The following MED13L variants were observed in gnomAD, a reference collection of about 807,000 sequenced individuals.
The protein encoded by MED13L is mediator of RNA polymerase II transcription subunit 13-like.
Under a neutral mutation model 220.9 loss-of-function variants are expected in MED13L, and 7 were observed. That is an observed-to-expected ratio of 0.03 (90% CI 0.02 to 0.06). The LOEUF is 0.06. Ranked by LOEUF, MED13L falls within the 10% of genes least tolerant of loss-of-function variation. The pLI is 1.00. For missense variants in MED13L, 1,965 were observed against 2,760.5 expected, an observed-to-expected ratio of 0.71 and a Z score of 6.46; for synonymous variants, 1,011 against 1,015.2, an observed-to-expected ratio of 1.00 and a Z score of 0.08.
At chr12:116,127,479 T>C (rs1260767561) in intron 2 of MED13L, among the ~76,000 whole-genome samples, 21 of 152,190 alleles carry the variant, frequency 1.4e-4, no homozygotes, top group Non-Finnish European at 2.9e-5. Flanking sequence ...ATTTTAAATA[T>C]AAGTACCCCT....
In MED13L at chr12:115,996,460, C is replaced by T. The variant is rs774085390; in HGVS notation, c.2996+16G>A. On this transcript the variant is annotated intron_variant, in intron 16 of 30. Coordinates refer to ENST00000281928, the MANE Select transcript of MED13L (RefSeq NM_015335.5). ...CATCAAATATGGCAAGTAAATGACA[C>T]AATCCCTATACATACTTGTAGCCAT... 1 of 1,604,374 alleles carries T rather than the reference C, an allele frequency of 6.2e-7. No individual in the cohort carries two copies. The highest frequency in any genetic ancestry group is 8.5e-7 in the Non-Finnish European group (1 of 1,171,236).
Position 116,008,516 on chromosome 12 carries a change from A to C in MED13L, c.1897T>G (p.Trp633Gly), listed in dbSNP as rs1879194923. The change falls in exon 10 of 31, where the codon TGG (tryptophan) becomes GGG (glycine). Residue 633 changes from tryptophan to glycine, a missense_variant. Trp to Gly is a radical substitution (Grantham distance 184). Transcript: ENST00000281928. ...PSNPESSEKW[W>G]HSYRLPPSDD... ...CTGGGTGGGAGACGATAACTATGCC[A>C]CCACTTTTCTGATGACTCCGGGTTC... 2 of 1,613,772 alleles carry C rather than the reference A, an allele frequency of 1.2e-6. No homozygotes were observed. The highest frequency in any genetic ancestry group is 3.3e-5 in the Admixed American group (2 of 59,990).
chr12:116,148,739 T>G (rs1306155111), intron 2 of MED13L: 1 of 164,210 alleles, frequency 6.1e-6, no homozygotes, highest in East Asian at 1.9e-4. Flanking sequence ...TTAGGTTACC[T>G]CCTAAGAAAG....
At chr12:116,178,178 T>C (rs373933803) in intron 2 of MED13L, among the ~76,000 whole-genome samples, 6 of 152,120 alleles carry the variant, frequency 3.9e-5, no homozygotes, top group African/African-American at 4.8e-5. Context: ...CCAGATACAA[T>C]TGTTAATAGA....
intron 17 of MED13L, among the ~76,000 whole-genome samples, chr12:115,989,758 C>A (rs1447408520): frequency 6.6e-6 from 1 of 152,130 alleles, no homozygotes; most frequent in Non-Finnish European, 1.5e-5. Context: ...TTCCCTTATC[C>A]CCAAAACTCA....
intron 2 of MED13L, among the ~76,000 whole-genome samples, chr12:116,184,188 CT>C (rs1017460735): frequency 6.6e-6 from 1 of 152,142 alleles, no homozygotes; most frequent in African/African-American, 2.4e-5. Context: ...CAGAAACCCT[CT>C]GGTAAATTTG....
chr12:116,195,381 T>C (rs1194850215), intron 2 of MED13L, among the ~76,000 whole-genome samples: 2 of 151,864 alleles, frequency 1.3e-5, no homozygotes, highest in African/African-American at 4.8e-5. Flanking sequence ...AGAAAACGAA[T>C]AAAAACACAG....
Position 116,241,339 on chromosome 12 carries a change from A to C in MED13L, c.73-3634T>G, listed in dbSNP as rs200696458. Among the ~76,000 whole-genome samples the C allele has an allele frequency of 2.5e-3, 374 of 150,804 alleles. 4 individuals carry two copies. The East Asian group carries it at 0.034, about 14-fold the overall frequency. ...AAACAAAAAACAAAAAAACAAAAAA[A>C]AAACACACACACACACACACACAAT... is the stretch of plus-strand genomic sequence containing the variant. On this transcript the variant is annotated intron_variant, in intron 1 of 30. Transcript: ENST00000281928.
rs28397771 is a variant in MED13L, at chr12:116,160,757, A to C, written c.311-49245T>G. On this transcript the variant is annotated intron_variant, in intron 2 of 30. Coordinates refer to ENST00000281928, the MANE Select transcript of MED13L (RefSeq NM_015335.5). ...CAGGTTTTTCTTTCTTTTATTTTTT[A>C]TTTTTTTTTTTTTTGTAGAGACAGG... 5.7e-5 allele frequency among the ~76,000 whole-genome samples: 8 copies of C among 140,332 alleles called. No homozygotes were observed. In the Admixed American group the frequency reaches 5.7e-4, roughly 10 times the overall value. 92.1% of individuals were successfully genotyped at this position (140,332 alleles called of 152,430 possible).
chr12:116,057,467 G>A (rs1228626969), intron 4 of MED13L, among the ~76,000 whole-genome samples: 2 of 151,568 alleles, frequency 1.3e-5, no homozygotes, highest in Non-Finnish European at 2.9e-5. Flanking sequence ...ATCCACAGTT[G>A]GGTACCCTCT....
chr12:116,092,109 T>C (rs1274477819), intron 4 of MED13L, among the ~76,000 whole-genome samples: 1 of 152,226 alleles, frequency 6.6e-6, no homozygotes, highest in African/African-American at 2.4e-5. Flanking sequence ...GTCCCATTAA[T>C]ATTTGTCTAT....
chr12:116,119,842 T>A lies in MED13L; in HGVS notation c.311-8330A>T, dbSNP rs866640328. Among the ~76,000 whole-genome samples, 924 of 104,404 alleles carry A rather than the reference T, an allele frequency of 8.9e-3. 3 individuals carry two copies. Among genetic ancestry groups the A allele is most frequent in the Non-Finnish European group, 0.014 (701 of 51,680 alleles). 68.5% of individuals were successfully genotyped at this position (104,404 alleles called of 152,430 possible). On this transcript the variant is annotated intron_variant, in intron 2 of 30. Transcript: ENST00000281928. ...AAAAAAAAAAAAAAAAAAAAAAATA[T>A]ATATATATATATATATATATGAAAC...
chr12:116,002,986 C>T lies in MED13L; in HGVS notation c.2569+17G>A. 1 of 1,599,122 alleles carries T rather than the reference C, an allele frequency of 6.3e-7. No individual in the cohort carries two copies. The highest frequency in any genetic ancestry group is 8.6e-7 in the Non-Finnish European group (1 of 1,166,396). ...AGGCAGTGAGCCACAATGGCTCAGT[C>T]AAGTTTCTCTACCTACTTGGTGGAT... is the stretch of plus-strand genomic sequence containing the variant. On this transcript the variant is annotated intron_variant, in intron 14 of 30. Transcript: ENST00000281928.
intron 1 of MED13L, among the ~76,000 whole-genome samples, chr12:116,263,263 T>C (rs759994722): frequency 1.3e-5 from 2 of 150,902 alleles, no homozygotes; most frequent in African/African-American, 2.5e-5. Flanking sequence ...TCTCTTTTAT[T>C]ATGTAAAAAA....
chr12:116,207,497 C>A (rs1482299384), intron 2 of MED13L, among the ~76,000 whole-genome samples: 1 of 152,156 alleles, frequency 6.6e-6, no homozygotes, highest in Non-Finnish European at 1.5e-5. Context: ...AGAGGCATTT[C>A]TCAGAGGCAT....
At chr12:116,083,316 A>G (rs1335704937) in intron 4 of MED13L, among the ~76,000 whole-genome samples, 2 of 148,568 alleles carry the variant, frequency 1.3e-5, no homozygotes, top group Non-Finnish European at 3.0e-5. Flanking sequence ...AGGCATGAGG[A>G]TCACTTGAAC....
chr12:115,994,848 T>C (rs1878296358), intron 16 of MED13L, among the ~76,000 whole-genome samples: 1 of 152,168 alleles, frequency 6.6e-6, no homozygotes, highest in African/African-American at 2.4e-5. Flanking sequence ...TTCAGCACAC[T>C]CTTTATACTG....
At chr12:116,052,459 A>G (rs1041703271) in intron 4 of MED13L, among the ~76,000 whole-genome samples, 2 of 152,178 alleles carry the variant, frequency 1.3e-5, no homozygotes, top group African/African-American at 2.4e-5. Context: ...CTAATGAGAA[A>G]ATTGCTCTAA....
chr12:116,091,280 A>G (rs771302235), intron 4 of MED13L, among the ~76,000 whole-genome samples: 1 of 152,124 alleles, frequency 6.6e-6, no homozygotes, highest in Non-Finnish European at 1.5e-5. Context: ...GTAAAAATCA[A>G]TAATTATTGT....
Sources: allele counts gnomAD v4.1 joint callset (sites outside exome capture counted in the v4.1 genomes callset), GRCh38; gene constraint gnomAD v4.1.1; transcripts MANE v1.5; gene names NCBI Gene and HGNC (gene_info 2026-07-23, HGNC 2026-07-21).